The following SLC35F1 variants were observed in gnomAD, a reference collection of about 807,000 sequenced individuals.
SLC35F1 encodes chromosome 6 open reading frame 169.
SLC35F1 carries 14 observed loss-of-function variants against 48.7 expected under a neutral mutation model. That is an observed-to-expected ratio of 0.29 (90% CI 0.19 to 0.45). The LOEUF (loss-of-function observed/expected upper bound fraction) is 0.45, where lower values mean the gene tolerates loss of function less well. Ranked by LOEUF, SLC35F1 falls within the 20% of genes least tolerant of loss-of-function variation. The pLI is 1.00. For missense variants in SLC35F1, 404 were observed against 500.0 expected, an observed-to-expected ratio of 0.81 and a Z score of 1.83; for synonymous variants, 190 against 202.2, an observed-to-expected ratio of 0.94 and a Z score of 0.51.
intron 1 of SLC35F1, among the ~76,000 whole-genome samples, chr6:117,909,961 ATTAT>A (rs1775742470): frequency 6.6e-6 from 1 of 152,188 alleles, no homozygotes; most frequent in African/African-American, 2.4e-5. Context: ...AGCTAAAACA[ATTAT>A]TTATTTATTT....
At chr6:118,263,390 C>T (rs1775735868) in intron 3 of SLC35F1, among the ~76,000 whole-genome samples, 2 of 152,028 alleles carry the variant, frequency 1.3e-5, no homozygotes, top group African/African-American at 4.8e-5. Context: ...ATCGTAGACA[C>T]CTCTGGCATG....
intron 1 of SLC35F1, 21 bp downstream of exon 1, chr6:117,907,920 A>AGGGCGCGGGGGGCGGGGGCTGC: frequency 2.3e-6 from 3 of 1,307,604 alleles, no homozygotes; most frequent in Non-Finnish European, 2.9e-6. Flanking sequence ...GCGCCGGGCG[A>AGGGCGCGGGGGGCGGGGGCTGC]GGGCGCGGGG....
intron 3 of SLC35F1, among the ~76,000 whole-genome samples, chr6:118,237,766 A>G (rs1362299727): frequency 6.6e-6 from 1 of 152,204 alleles, no homozygotes; most frequent in Non-Finnish European, 1.5e-5. Flanking sequence ...TAAAATGGAA[A>G]AACCTTTTAG....
intron 1 of SLC35F1, among the ~76,000 whole-genome samples, chr6:118,121,593 C>G (rs1239637404): frequency 6.6e-6 from 1 of 152,168 alleles, no homozygotes; most frequent in Non-Finnish European, 1.5e-5. Flanking sequence ...CATGCAGAAT[C>G]CCATTTAATC....
intron 1 of SLC35F1, among the ~76,000 whole-genome samples, chr6:118,131,218 T>A (rs897480965): frequency 6.6e-5 from 10 of 151,106 alleles, no homozygotes; most frequent in African/African-American, 2.4e-4. Flanking sequence ...TATTGATTCA[T>A]CAAAGTTGTA....
At chr6:118,130,484 A>AAACG (rs1000335175) in intron 1 of SLC35F1, among the ~76,000 whole-genome samples, 3 of 152,200 alleles carry the variant, frequency 2.0e-5, no homozygotes, top group African/African-American at 7.2e-5. Context: ...CAAACAAAAC[A>AAACG]AACGAACAAA....
At chr6:118,300,894 T>C (rs7747363) in intron 7 of SLC35F1, among the ~76,000 whole-genome samples, 38,554 of 152,160 alleles carry the variant, frequency 0.25, 5,299 homozygotes, top group Middle Eastern at 0.34. Context: ...AGAATGTACA[T>C]GTTGGTGATC....
chr6:117,997,024 GA>G (rs1777003715), intron 1 of SLC35F1, among the ~76,000 whole-genome samples: 1 of 152,058 alleles, frequency 6.6e-6, no homozygotes, highest in South Asian at 2.1e-4. Flanking sequence ...TAAAAACTTT[GA>G]AAAAAATTTA....
At chr6:118,041,125 T>C (rs1772213745) in intron 1 of SLC35F1, among the ~76,000 whole-genome samples, 1 of 152,154 alleles carries the variant, frequency 6.6e-6, no homozygotes, top group Non-Finnish European at 1.5e-5. Flanking sequence ...ATCTAGAATC[T>C]GCAAGACTTG....
In SLC35F1 at chr6:118,154,553, C is replaced by T. The variant is rs1264800691; in HGVS notation, c.282C>T (p.Val94=). The change falls in exon 2 of 8, where the codon GTC becomes GTT. Residue 94 remains valine, a synonymous_variant. Coordinates refer to ENST00000360388, the MANE Select transcript of SLC35F1 (RefSeq NM_001029858.4). The part of the protein sequence containing the change: ...LSEDFHANTP[V]FQSFLNYILL... ...AAGATTTCCACGCCAACACACCAGT[C>T]TTCCAGAGTTTCCTCAATTACATTC... 1 of 1,614,054 alleles carries T rather than the reference C, an allele frequency of 6.2e-7. No individual in the cohort carries two copies. Among genetic ancestry groups the T allele is most frequent in the Non-Finnish European group, 8.5e-7 (1 of 1,179,958 alleles).
intron 1 of SLC35F1, among the ~76,000 whole-genome samples, chr6:118,027,418 G>C (rs1771975006): frequency 6.6e-6 from 1 of 152,156 alleles, no homozygotes; most frequent in Admixed American, 6.5e-5. Context: ...CAGTGTATGA[G>C]AGTTTAGTTC....
chr6:117,929,467 G>T (rs1322258853), intron 1 of SLC35F1, among the ~76,000 whole-genome samples: 1 of 151,470 alleles, frequency 6.6e-6, no homozygotes, highest in Non-Finnish European at 1.5e-5. Context: ...GTGTGTGTGT[G>T]TGTGTGTGTG....
At chr6:117,907,981 C>T in intron 1 of SLC35F1, 82 bp downstream of exon 1, 1 of 1,217,646 alleles carries the variant, frequency 8.2e-7, no homozygotes, top group Non-Finnish European at 1.0e-6. Context: ...CCTGGGGCGG[C>T]CCACGGGTCC....
At chr6:118,194,354 A>G (rs557609393) in intron 2 of SLC35F1, among the ~76,000 whole-genome samples, 142 of 152,360 alleles carry the variant, frequency 9.3e-4, no homozygotes, top group African/African-American at 3.2e-3. Flanking sequence ...TCCCTAAGCC[A>G]GGATTCAACC....
intron 1 of SLC35F1, among the ~76,000 whole-genome samples, chr6:118,123,835 G>A (rs1292326117): frequency 6.6e-6 from 1 of 152,132 alleles, no homozygotes; most frequent in African/African-American, 2.4e-5. Context: ...TTGCTTTTAG[G>A]TGAACTACAG....
intron 7 of SLC35F1, among the ~76,000 whole-genome samples, chr6:118,288,558 G>C (rs1192603577): frequency 1.3e-5 from 2 of 152,130 alleles, no homozygotes; most frequent in African/African-American, 4.8e-5. Context: ...TGAAGACTGG[G>C]GTTTTATCAT....
chr6:118,013,107 C>G (rs1777273439), intron 1 of SLC35F1, among the ~76,000 whole-genome samples: 2 of 152,122 alleles, frequency 1.3e-5, no homozygotes, highest in South Asian at 4.1e-4. Flanking sequence ...AAGAGTTGTT[C>G]AGTGCAGACC....
chr6:118,271,231 G>A (rs993869870), intron 4 of SLC35F1, among the ~76,000 whole-genome samples: 5 of 152,110 alleles, frequency 3.3e-5, no homozygotes, highest in Non-Finnish European at 7.4e-5. Context: ...AAGAAATCAA[G>A]CCTCAGAGAA....
intron 1 of SLC35F1, among the ~76,000 whole-genome samples, chr6:118,128,624 A>G (rs907430691): frequency 2.0e-5 from 3 of 151,832 alleles, no homozygotes; most frequent in African/African-American, 7.3e-5. Flanking sequence ...GAACACATAG[A>G]CACAGGAAGG....
Sources: allele counts gnomAD v4.1 joint callset (sites outside exome capture counted in the v4.1 genomes callset), GRCh38; gene constraint gnomAD v4.1.1; transcripts MANE v1.5; gene names NCBI Gene and HGNC (gene_info 2026-07-23, HGNC 2026-07-21).